Variants in SAMMSON observed in about 807,000 individuals in gnomAD.
The protein encoded by SAMMSON is survival associated mitochondrial melanoma specific oncogenic non-coding RNA.
chr3:70,216,172 T>A (rs993049618), intron 4 of SAMMSON, among the ~76,000 whole-genome samples: 1 of 151,254 alleles, frequency 6.6e-6, no homozygotes, highest in Non-Finnish European at 1.5e-5. Context: ...ATATTTATGC[T>A]TTATATTTGC....
At chr3:70,368,974 C>A (rs1702942949) in intron 9 of SAMMSON, among the ~76,000 whole-genome samples, 1 of 151,578 alleles carries the variant, frequency 6.6e-6, no homozygotes. Context: ...TTGAGTCTTC[C>A]AATCCATGAA....
intron 7 of SAMMSON, among the ~76,000 whole-genome samples, chr3:70,336,858 G>A (rs377286854): frequency 5.9e-5 from 8 of 135,762 alleles, no homozygotes; most frequent in Non-Finnish European, 1.3e-4. Flanking sequence ...GTGTGTGTGT[G>A]GAGAGAGAGA....
At chr3:70,370,336 T>C (rs1334713769) in intron 9 of SAMMSON, among the ~76,000 whole-genome samples, 2 of 152,014 alleles carry the variant, frequency 1.3e-5, no homozygotes, top group African/African-American at 4.8e-5. Flanking sequence ...CCCGGTGGGA[T>C]TGCTGGATCA....
chr3:70,018,817 T>C (rs1163902900), intron 3 of SAMMSON, among the ~76,000 whole-genome samples: 1 of 152,226 alleles, frequency 6.6e-6, no homozygotes, highest in African/African-American at 2.4e-5. Context: ...ACATCTTTAT[T>C]TCTGCCTTCA....
At chr3:70,014,535 C>T (rs754843089) in intron 3 of SAMMSON, 1 of 152,192 alleles carries the variant, frequency 6.6e-6, no homozygotes, top group Non-Finnish European at 1.5e-5. Context: ...TCACACATTT[C>T]AGCCAAATCC....
At chr3:70,431,399 T>A (rs1340557202) in intron 2 of SAMMSON, among the ~76,000 whole-genome samples, 2 of 152,016 alleles carry the variant, frequency 1.3e-5, no homozygotes, top group Non-Finnish European at 2.9e-5. Flanking sequence ...ACTGCATGGT[T>A]CTCTTCTGGG....
intron 3 of SAMMSON, among the ~76,000 whole-genome samples, chr3:70,071,226 C>T (rs1311656782): frequency 1.3e-5 from 2 of 152,044 alleles, no homozygotes; most frequent in African/African-American, 4.8e-5. Flanking sequence ...GTGCATCTGC[C>T]TCTGACCCCA....
At chr3:70,014,548 A>G (rs2066973364) in intron 3 of SAMMSON, 1 of 152,200 alleles carries the variant, frequency 6.6e-6, no homozygotes, top group African/African-American at 2.4e-5. Context: ...CCAAATCCAT[A>G]TGCATCGGAT....
chr3:70,023,637 C>G (rs775515594), intron 3 of SAMMSON, among the ~76,000 whole-genome samples: 44 of 152,086 alleles, frequency 2.9e-4, no homozygotes, highest in Non-Finnish European at 1.2e-4. Context: ...TCTGCTGTAA[C>G]TTCTCCTCCT....
At chr3:70,252,011 C>A in intron 6 of SAMMSON, among the ~76,000 whole-genome samples, 1 of 152,160 alleles carries the variant, frequency 6.6e-6, no homozygotes, top group East Asian at 1.9e-4. Flanking sequence ...GAAGGCAAAA[C>A]AAGTGCCTTC....
At chr3:70,116,968 G>A (rs1033186080) in intron 4 of SAMMSON, among the ~76,000 whole-genome samples, 3 of 152,126 alleles carry the variant, frequency 2.0e-5, no homozygotes, top group Non-Finnish European at 4.4e-5. Context: ...GACCAGGTCT[G>A]CCTCATCATT....
At chr3:70,156,159 A>G (rs2067591169) in intron 4 of SAMMSON, among the ~76,000 whole-genome samples, 1 of 152,076 alleles carries the variant, frequency 6.6e-6, no homozygotes, top group African/African-American at 2.4e-5. Flanking sequence ...AAAAGAAAAG[A>G]TGAAATCGAC....
At chr3:70,181,102 G>A (rs1272789243) in intron 4 of SAMMSON, among the ~76,000 whole-genome samples, 1 of 152,140 alleles carries the variant, frequency 6.6e-6, no homozygotes, top group East Asian at 1.9e-4. Flanking sequence ...ATCAAGCAAG[G>A]AAGTGATAAG....
At chr3:70,009,055 G>A (rs1418638417) in intron 1 of SAMMSON, 1 of 152,144 alleles carries the variant, frequency 6.6e-6, no homozygotes, top group Non-Finnish European at 1.5e-5. Context: ...ATTTTATTGA[G>A]GATTTTTGCA....
At chr3:70,072,646 G>GAAAAA (rs35807309) in intron 4 of SAMMSON, 10 of 87,662 alleles carry the variant, frequency 1.1e-4, no homozygotes, top group East Asian at 3.2e-4. Context: ...AACAGCAAAG[G>GAAAAA]AAAAAAAAAA....
At position 70,143,202 on chromosome 3, in the gene SAMMSON, A is replaced by C. The variant is rs1184629372; in HGVS notation, n.507+71637A>C. 2.0e-5 allele frequency among the ~76,000 whole-genome samples: 3 copies of C among 152,090 alleles called. No homozygotes were observed. The East Asian group carries it at 5.8e-4, about 29-fold the overall frequency. On this transcript the variant is annotated intron_variant and non_coding_transcript_variant, in intron 4 of 9. Transcript: ENST00000642114. ...AACTATATTTGTTAGAAAGTAACAT[A>C]ATTTATCCATGTGATGAAACATCTG...
At chr3:70,264,259 C>T (rs1262555584) in intron 6 of SAMMSON, among the ~76,000 whole-genome samples, 1 of 152,182 alleles carries the variant, frequency 6.6e-6, no homozygotes, top group Non-Finnish European at 1.5e-5. Context: ...AAAAGGCCTT[C>T]GTGTTATCTG....
chr3:70,411,605 G>A (rs1701219798), intron 2 of SAMMSON, among the ~76,000 whole-genome samples: 1 of 152,124 alleles, frequency 6.6e-6, no homozygotes, highest in Non-Finnish European at 1.5e-5. Flanking sequence ...ATGTGTTGTG[G>A]GAGGAACCCA....
chr3:70,115,165 A>G (rs2067405258), intron 4 of SAMMSON, among the ~76,000 whole-genome samples: 1 of 150,034 alleles, frequency 6.7e-6, no homozygotes, highest in Non-Finnish European at 1.5e-5. Context: ...TCCTTTGGCC[A>G]TCTCAATAAT....
Sources: gnomAD v4.1 joint callset for allele counts (sites outside exome capture counted in the v4.1 genomes callset) on GRCh38, gnomAD v4.1.1 for gene constraint, MANE v1.5 for transcripts, NCBI Gene and HGNC (gene_info 2026-07-23, HGNC 2026-07-21) for gene names.